MYO16: variants seen among roughly 807,000 people sequenced by gnomAD.
The protein encoded by MYO16 is unconventional myosin-XVI.
A neutral mutation model predicts 205.3 loss-of-function variants in MYO16; 94 were observed. The observed-to-expected ratio is 0.46, with a 90% CI of 0.39 to 0.54. The LOEUF (loss-of-function observed/expected upper bound fraction) is 0.54, where lower values mean the gene tolerates loss of function less well. MYO16 is among the 20% of genes least tolerant of loss of function. MYO16 has a pLI of 0.00. For synonymous variants in MYO16, 988 were observed against 954.0 expected, an observed-to-expected ratio of 1.04 and a Z score of -0.66; for missense variants, 2,315 against 2,387.5, an observed-to-expected ratio of 0.97 and a Z score of 0.63.
intron 2 of MYO16, among the ~76,000 whole-genome samples, chr13:108,704,223 C>G (rs1344959288): frequency 6.6e-6 from 1 of 152,004 alleles, no homozygotes; most frequent in African/African-American, 2.4e-5. Context: ...CCTAAATAAC[C>G]AATGTATCAA....
chr13:109,200,681 G>T (rs1400051033), intron 34 of MYO16, among the ~76,000 whole-genome samples: 1 of 149,982 alleles, frequency 6.7e-6, no homozygotes, highest in Non-Finnish European at 1.5e-5. Flanking sequence ...GGGGATCTGG[G>T]ACTTTTTTTT....
chr13:109,083,483 T>G (rs1888345089), intron 27 of MYO16, among the ~76,000 whole-genome samples: 1 of 145,794 alleles, frequency 6.9e-6, no homozygotes, highest in South Asian at 2.2e-4. Context: ...GGTCTGTGAG[T>G]TAGGGAAAGG....
intron 5 of MYO16, among the ~76,000 whole-genome samples, chr13:108,791,014 T>G (rs1275440952): frequency 6.6e-6 from 1 of 152,228 alleles, no homozygotes; most frequent in African/African-American, 2.4e-5. Flanking sequence ...ACTATCAGAT[T>G]CTTGTGCTAC....
At chr13:108,871,721 A>T (rs1879073838) in intron 12 of MYO16, among the ~76,000 whole-genome samples, 1 of 152,090 alleles carries the variant, frequency 6.6e-6, no homozygotes, top group Non-Finnish European at 1.5e-5. Context: ...TGAGTGTGAG[A>T]CACTTAGGGT....
At chr13:109,048,441 T>C (rs1887123254) in intron 24 of MYO16, 1 of 621,164 alleles carries the variant, frequency 1.6e-6, no homozygotes, top group East Asian at 2.6e-5. Context: ...AGAGAATAAA[T>C]ATTTTAGACC....
In MYO16 at chr13:108,823,748, AGGG is replaced by A. The variant is rs1236889598; in HGVS notation, c.1097+471_1097+473del. 4.7e-3 allele frequency among the ~76,000 whole-genome samples: 718 copies of A among 152,260 alleles called. 5 individuals are homozygous for A. The highest frequency in any genetic ancestry group is 0.016 in the African/African-American group (686 of 41,576). On this transcript the variant is annotated intron_variant, in intron 9 of 34. Transcript: ENST00000457511. ...TGACATCATTTTCAAGGTCTGAAAA[AGGG>A]ACACAAAGTGTGATTAATAAGAATG...
chr13:108,726,164 T>C (rs1176690796), intron 3 of MYO16, among the ~76,000 whole-genome samples: 2 of 152,194 alleles, frequency 1.3e-5, no homozygotes, highest in Admixed American at 6.6e-5. Flanking sequence ...AGTATGTATC[T>C]CATAACCCAG....
chr13:108,636,104 C>A (rs765919655), intron 1 of MYO16, among the ~76,000 whole-genome samples: 1 of 151,848 alleles, frequency 6.6e-6, no homozygotes, highest in East Asian at 1.9e-4. Flanking sequence ...TTGCTTTTGT[C>A]GCATTCTAAA....
rs577445397 is a variant in MYO16 at position 108,810,682 on chromosome 13, TG to T, written c.867+3879del. Among the ~76,000 whole-genome samples, 14 of 152,308 alleles carry T rather than the reference TG, an allele frequency of 9.2e-5. No individual in the cohort carries two copies. In the South Asian group the frequency reaches 2.7e-3, roughly 29 times the overall value. On this transcript the variant is annotated intron_variant, in intron 7 of 34. Transcript: ENST00000457511. The stretch of plus-strand genomic sequence containing the variant: ...ATTTATAACTCTCTCTGAAGAAATT[TG>T]CTGTAAATATATTGTATCTGTGTTT...
Position 108,669,618 on chromosome 13 carries a change from G to T in MYO16, c.292+3469G>T, listed in dbSNP as rs367942474. On this transcript the variant is annotated intron_variant, in intron 2 of 34. Transcript: ENST00000457511. ...CCACATAAATGTCTTCTATTGAGAA[G>T]TGTCTGTTCATATCCCTCACCCATT... 1.2e-3 allele frequency among the ~76,000 whole-genome samples: 181 copies of T among 152,274 alleles called. 1 individual carries two copies. In the South Asian group the frequency reaches 0.013, roughly 11 times the overall value.
chr13:108,875,384 C>A (rs950931221), intron 12 of MYO16, among the ~76,000 whole-genome samples: 1 of 152,126 alleles, frequency 6.6e-6, no homozygotes, highest in Non-Finnish European at 1.5e-5. Flanking sequence ...ACAGGGACTG[C>A]ATAAGTGGAA....
At chr13:109,076,069 A>G (rs574249020) in intron 27 of MYO16, among the ~76,000 whole-genome samples, 78 of 151,946 alleles carry the variant, frequency 5.1e-4, no homozygotes, top group Non-Finnish European at 7.5e-4. Flanking sequence ...GGGTACCAGT[A>G]CTCCCTTATT....
At chr13:109,131,376 G>T (rs1876524590) in intron 31 of MYO16, among the ~76,000 whole-genome samples, 1 of 152,142 alleles carries the variant, frequency 6.6e-6, no homozygotes, top group Admixed American at 6.6e-5. Flanking sequence ...TTCCTGGTAG[G>T]TCTTCACCCA....
At chr13:108,759,700 A>G (rs1031099415) in intron 4 of MYO16, among the ~76,000 whole-genome samples, 6 of 151,866 alleles carry the variant, frequency 4.0e-5, no homozygotes, top group Non-Finnish European at 8.8e-5. Flanking sequence ...AGGCGCCTAT[A>G]GTCCCAGCTA....
At chr13:108,710,767 C>T (rs1883688191) in intron 2 of MYO16, among the ~76,000 whole-genome samples, 1 of 152,198 alleles carries the variant, frequency 6.6e-6, no homozygotes, top group South Asian at 2.1e-4. Flanking sequence ...ATGGACTCTG[C>T]ATAAAAATCT....
intron 27 of MYO16, among the ~76,000 whole-genome samples, chr13:109,095,532 G>T (rs917019061): frequency 3.3e-5 from 5 of 152,162 alleles, no homozygotes; most frequent in African/African-American, 1.2e-4. Context: ...TGTCTGAGGT[G>T]ATCTTTTTCT....
At position 109,052,426 on chromosome 13, in the gene MYO16, C is replaced by G; in HGVS notation, c.2999C>G (p.Thr1000Arg). ...HKSALLSKKM[T>R]ASSIIGENKN... ...TCTGCCCTGCTCAGTAAGAAAATGA[C>G]AGCTTCTTCAATTATTGGAGAAAAC... is the stretch of plus-strand genomic sequence containing the variant. Residue 1000 changes from threonine (T) to arginine (R), a missense_variant, in exon 25 of 35, where the codon ACA (threonine) becomes AGA (arginine). By Grantham distance (71) the Thr-to-Arg change is moderately conservative. This residue lies in a region of MYO16 where 1,213 missense variants were observed against 1,274.4 expected (regional missense o/e 0.95). Transcript: ENST00000457511. 1 of 1,612,106 alleles carries G rather than the reference C, an allele frequency of 6.2e-7. No individual in the cohort carries two copies. Among genetic ancestry groups the G allele is most frequent in the Non-Finnish European group, 8.5e-7 (1 of 1,178,652 alleles).
chr13:108,879,005 T>C (rs185447771), intron 12 of MYO16, among the ~76,000 whole-genome samples: 24 of 152,356 alleles, frequency 1.6e-4, no homozygotes, highest in Admixed American at 8.5e-4. Context: ...CTTCAGTTTT[T>C]TGTAGTTTTG....
At chr13:108,941,602 G>C (rs1882724528) in intron 16 of MYO16, among the ~76,000 whole-genome samples, 1 of 150,940 alleles carries the variant, frequency 6.6e-6, no homozygotes, top group Non-Finnish European at 1.5e-5. Context: ...ATTTGAACCT[G>C]GGAGGCAGAG....
Sources: gnomAD v4.1 joint callset for allele counts (sites outside exome capture counted in the v4.1 genomes callset) on GRCh38, gnomAD v4.1.1 for gene constraint, gnomAD v4.1.1 regional missense constraint, MANE v1.5 for transcripts, NCBI Gene and HGNC (gene_info 2026-07-23, HGNC 2026-07-21) for gene names.